The following MYO1E variants were observed in gnomAD, a reference collection of about 807,000 sequenced individuals.
The protein encoded by MYO1E is myosin IE, also known as unconventional myosin-Ie.
MYO1E carries 68 observed loss-of-function variants against 151.1 expected under a neutral mutation model. The ratio of observed to expected loss-of-function variants is 0.45; its 90% CI spans 0.37 to 0.55. MYO1E has a LOEUF of 0.55. Ranked by LOEUF, MYO1E falls within the 20% of genes least tolerant of loss-of-function variation. The pLI is 0.00. For synonymous variants in MYO1E, 601 were observed against 501.7 expected (o/e 1.20, Z -2.64); for missense variants, 1,363 against 1,389.3 (o/e 0.98, Z 0.30).
intron 6 of MYO1E, among the ~76,000 whole-genome samples, chr15:59,227,978 A>G (rs1282675405): frequency 6.6e-6 from 1 of 152,168 alleles, no homozygotes; most frequent in African/African-American, 2.4e-5. Context: ...TTGAGCAAAA[A>G]CACTCAATCT....
intron 4 of MYO1E, among the ~76,000 whole-genome samples, chr15:59,255,608 C>G (rs1169410371): frequency 6.6e-6 from 1 of 152,066 alleles, no homozygotes. Context: ...GCAGGAGTAT[C>G]CAATCTTTTG....
In MYO1E at chr15:59,340,243, G is replaced by A. The variant is rs28420968; in HGVS notation, c.3+32255C>T. ...GAGGATCGCTTGAACCCAGGAGATC[G>A]AGGCTGCAGTGAGCCATGATCGTGC... On this transcript the variant is annotated intron_variant, in intron 1 of 27. Coordinates refer to ENST00000288235, the MANE Select transcript of MYO1E (RefSeq NM_004998.4). Among the ~76,000 whole-genome samples the A allele has an allele frequency of 7.2e-3, 1,090 of 152,192 alleles. 13 individuals carry two copies. The highest frequency in any genetic ancestry group is 0.024 in the African/African-American group (1,016 of 41,528).
At chr15:59,168,401 C>T (rs1277729335) in intron 22 of MYO1E, among the ~76,000 whole-genome samples, 1 of 151,728 alleles carries the variant, frequency 6.6e-6, no homozygotes, top group Non-Finnish European at 1.5e-5. Flanking sequence ...CAAAAATTAG[C>T]CAGAAGTGGG....
chr15:59,358,019 T>C (rs1249761509), intron 1 of MYO1E, among the ~76,000 whole-genome samples: 2 of 152,178 alleles, frequency 1.3e-5, no homozygotes, highest in African/African-American at 2.4e-5. Flanking sequence ...TTGGAGCATA[T>C]AAAATTCACT....
chr15:59,166,713 A>G (rs1395893361), intron 22 of MYO1E, among the ~76,000 whole-genome samples: 13 of 152,176 alleles, frequency 8.5e-5, no homozygotes, highest in African/African-American at 2.9e-4. Context: ...CCAGAATTCT[A>G]CCACTCAGAG....
At chr15:59,247,166 A>G (rs2080135397) in intron 4 of MYO1E, among the ~76,000 whole-genome samples, 1 of 152,218 alleles carries the variant, frequency 6.6e-6, no homozygotes, top group Admixed American at 6.5e-5. Flanking sequence ...ACTGCACTCC[A>G]GCCTAGGTGA....
chr15:59,292,324 T>C (rs140478556), intron 1 of MYO1E, among the ~76,000 whole-genome samples: 1 of 152,366 alleles, frequency 6.6e-6, no homozygotes, highest in East Asian at 1.9e-4. Flanking sequence ...TTTTCCTACA[T>C]GTGTTTCTAC....
intron 6 of MYO1E, among the ~76,000 whole-genome samples, chr15:59,228,979 CAGG>C (rs2080008534): frequency 6.6e-6 from 1 of 152,182 alleles, no homozygotes; most frequent in Non-Finnish European, 1.5e-5. Context: ...CCAGCAGCAC[CAGG>C]CACAGAGAAC....
At chr15:59,264,166 A>G (rs1429475414) in intron 2 of MYO1E, among the ~76,000 whole-genome samples, 11 of 152,214 alleles carry the variant, frequency 7.2e-5, no homozygotes, top group Non-Finnish European at 1.2e-4. Flanking sequence ...AATGCTCTGA[A>G]GAGCATCGTG....
chr15:59,306,195 C>T (rs554010965), intron 1 of MYO1E, among the ~76,000 whole-genome samples: 121 of 152,312 alleles, frequency 7.9e-4, no homozygotes, highest in African/African-American at 2.9e-3. Flanking sequence ...TTAGTGCTCA[C>T]TTCTCAGAAT....
chr15:59,216,807 G>A (rs779960503), intron 10 of MYO1E, among the ~76,000 whole-genome samples: 1 of 150,830 alleles, frequency 6.6e-6, no homozygotes, highest in Non-Finnish European at 1.5e-5. Context: ...AAAAGGTGGA[G>A]CCTCATTCCC....
chr15:59,295,165 T>A (rs2080441478), intron 1 of MYO1E, among the ~76,000 whole-genome samples: 1 of 152,004 alleles, frequency 6.6e-6, no homozygotes. Flanking sequence ...ACAAAATCAC[T>A]AAAAGTTGAG....
intron 1 of MYO1E, among the ~76,000 whole-genome samples, chr15:59,277,558 A>ACAAAAAC (rs553908579): frequency 8.4e-6 from 1 of 118,474 alleles, no homozygotes; most frequent in East Asian, 2.2e-4. Flanking sequence ...CAAAAAAAAA[A>ACAAAAAC]AAAAAAAAAA....
intron 3 of MYO1E, among the ~76,000 whole-genome samples, chr15:59,261,193 A>G (rs2140373779): frequency 6.6e-6 from 1 of 152,072 alleles, no homozygotes; most frequent in Non-Finnish European, 1.5e-5. Flanking sequence ...AACAAGAGCA[A>G]AATTCTGTCT....
At chr15:59,323,944 T>C (rs114631340) in intron 1 of MYO1E, among the ~76,000 whole-genome samples, 117 of 151,536 alleles carry the variant, frequency 7.7e-4, no homozygotes, top group African/African-American at 2.6e-3. Flanking sequence ...CACAGTGACT[T>C]CTCCAGCTCC....
At chr15:59,287,766 G>A (rs2080395691) in intron 1 of MYO1E, among the ~76,000 whole-genome samples, 1 of 152,148 alleles carries the variant, frequency 6.6e-6, no homozygotes, top group African/African-American at 2.4e-5. Context: ...GAGTGAATGT[G>A]GGGGATTGTG....
At chr15:59,188,032 T>C in intron 18 of MYO1E, 86 bp downstream of exon 18, 1 of 1,005,684 alleles carries the variant, frequency 9.9e-7, no homozygotes, top group Non-Finnish European at 1.6e-6. Flanking sequence ...CATTGACTCG[T>C]ACGCTTGAAG....
intron 18 of MYO1E, among the ~76,000 whole-genome samples, chr15:59,181,545 A>C (rs1282412838): frequency 6.6e-6 from 1 of 152,264 alleles, no homozygotes; most frequent in Non-Finnish European, 1.5e-5. Flanking sequence ...CACAGCACTT[A>C]CTTCAAGAGC....
At chr15:59,231,092 A>G (rs190451420) in intron 6 of MYO1E, among the ~76,000 whole-genome samples, 1 of 152,368 alleles carries the variant, frequency 6.6e-6, no homozygotes, top group Admixed American at 6.5e-5. Flanking sequence ...CATTTTCATT[A>G]CCAGTTAGGT....
Sources: allele counts gnomAD v4.1 joint callset (sites outside exome capture counted in the v4.1 genomes callset), GRCh38; gene constraint gnomAD v4.1.1; transcripts MANE v1.5; gene names NCBI Gene and HGNC (gene_info 2026-07-23, HGNC 2026-07-21).